Variants in DOP1A observed in about 807,000 individuals in gnomAD.
DOP1A encodes protein DOP1A.
In DOP1A, 90 loss-of-function variants were observed where a neutral mutation model predicts 267.6. The ratio of observed to expected loss-of-function variants is 0.34; its 90% CI spans 0.28 to 0.40. The LOEUF is 0.40. Among genes scored for constraint, DOP1A ranks in the 10% least tolerant of loss-of-function variants. The pLI is 1.00. For synonymous variants in DOP1A, 932 were observed against 999.1 expected (o/e 0.93, Z 1.27); for missense variants, 2,437 against 2,900.4 (o/e 0.84, Z 3.67).
chr6:83,123,880 C>A (rs1287652881), intron 12 of DOP1A, among the ~76,000 whole-genome samples: 2 of 152,052 alleles, frequency 1.3e-5, no homozygotes, highest in African/African-American at 2.4e-5. Flanking sequence ...ATGCACACAT[C>A]CACACTTCTT....
chr6:83,094,928 T>A (rs971565308), intron 1 of DOP1A, among the ~76,000 whole-genome samples: 3 of 152,148 alleles, frequency 2.0e-5, no homozygotes, highest in Non-Finnish European at 2.9e-5. Flanking sequence ...TTTTTAATTT[T>A]ATTTTATTTT....
chr6:83,104,063 G>A (rs1031458842), intron 4 of DOP1A, among the ~76,000 whole-genome samples: 3 of 152,104 alleles, frequency 2.0e-5, no homozygotes, highest in Non-Finnish European at 2.9e-5. Flanking sequence ...CTTTTATTAA[G>A]TAGTCCTTTT....
rs773028896 is a variant in DOP1A, at chr6:83,138,484, G to A, written c.4442G>A (p.Gly1481Asp). The A allele has an allele frequency of 7.4e-6, 12 of 1,613,032 alleles. No individual in the cohort carries two copies. The highest frequency in any genetic ancestry group is 1.0e-5 in the Non-Finnish European group (12 of 1,179,906). ...HVKVTAQDLI[G>D]NRNMQMMSIE... is the part of the protein sequence containing the mutation. ...AAGGTTACTGCACAAGATTTAATAGGCAATCGAAACATGCAAATGATGAGC... is the reference window on the plus strand; with the variant it reads ...AAGGTTACTGCACAAGATTTAATAGACAATCGAAACATGCAAATGATGAGC... Residue 1481 changes from glycine to aspartate, a missense_variant, in exon 21 of 39, where the codon GGC becomes GAC. Gly to Asp is a moderately conservative substitution (Grantham distance 94, BLOSUM62 -1). Coordinates refer to ENST00000349129, the MANE Select transcript of DOP1A (RefSeq NM_015018.4).
At position 83,158,084 on chromosome 6, in the gene DOP1A, T is replaced by C. The variant is rs540271297; in HGVS notation, c.6742-483T>C. On this transcript the variant is annotated intron_variant, in intron 35 of 38. Coordinates refer to ENST00000349129, the MANE Select transcript of DOP1A (RefSeq NM_015018.4). ...CGAGATCTCAGCTCACTGCAAGCTC[T>C]GCCTCCCGGGTTCAGGCCATTCTCC... is the stretch of plus-strand genomic sequence containing the variant. 1.3e-4 allele frequency among the ~76,000 whole-genome samples: 20 copies of C among 152,168 alleles called. No individual in the cohort carries two copies. The South Asian group carries it at 1.7e-3, about 13-fold the overall frequency.
Position 83,069,840 on chromosome 6 carries a change from A to G in DOP1A, c.-147+2061A>G, listed in dbSNP as rs982876586. On this transcript the variant is annotated intron_variant, in intron 1 of 38. Transcript: ENST00000349129. ...GTGAAGACTTGTTGATAATGGCATC[A>G]CTTTTGCTGTGATGATTTCTCCTTA... Among the ~76,000 whole-genome samples, 11 of 152,174 alleles carry G rather than the reference A, an allele frequency of 7.2e-5. 1 individual carries two copies. The highest frequency in any genetic ancestry group is 3.9e-4 in the Admixed American group (6 of 15,278).
At chr6:83,070,627 TTATACC>T in intron 1 of DOP1A, among the ~76,000 whole-genome samples, 1 of 152,330 alleles carries the variant, frequency 6.6e-6, no homozygotes, top group Non-Finnish European at 1.5e-5. Flanking sequence ...AGTGTCTAAA[TTATACC>T]TTTAAGACCT....
chr6:83,084,653 G>T (rs1429910200), intron 1 of DOP1A, among the ~76,000 whole-genome samples: 1 of 151,968 alleles, frequency 6.6e-6, no homozygotes, highest in African/African-American at 2.4e-5. Context: ...CACCATTTTG[G>T]CTCACTGCAG....
intron 34 of DOP1A, among the ~76,000 whole-genome samples, chr6:83,156,412 T>A (rs1782803081): frequency 6.6e-6 from 1 of 152,208 alleles, no homozygotes; most frequent in Non-Finnish European, 1.5e-5. Context: ...GTTCTCCTTG[T>A]GGACAAGAAT....
At chr6:83,168,757 G>A (rs1054185566), downstream of DOP1A, 6 of 1,000,424 alleles carry the variant, frequency 6.0e-6, no homozygotes, top group Admixed American at 2.7e-4. Flanking sequence ...AGTCATATAG[G>A]TAAGTCATCT....
intron 26 of DOP1A, among the ~76,000 whole-genome samples, chr6:83,148,092 T>C (rs1168464755): frequency 6.6e-6 from 1 of 152,020 alleles, no homozygotes; most frequent in Non-Finnish European, 1.5e-5. Context: ...ATGTGATAAA[T>C]GGGATTTCAA....
At chr6:83,109,973 A>G (rs1253103523) in intron 5 of DOP1A, 152 bp from the exon 6 acceptor site, 11 of 734,118 alleles carry the variant, frequency 1.5e-5, no homozygotes, top group Non-Finnish European at 2.2e-5. Context: ...ACTCTAAAGT[A>G]TATTCTTCTT....
intron 1 of DOP1A, among the ~76,000 whole-genome samples, chr6:83,082,833 A>G: frequency 6.8e-6 from 1 of 148,046 alleles, no homozygotes; most frequent in East Asian, 2.0e-4. Flanking sequence ...TTTGAGACCG[A>G]GTTTTGCTCT....
chr6:83,116,186 G>A (rs1365073648), intron 7 of DOP1A, among the ~76,000 whole-genome samples: 2 of 152,084 alleles, frequency 1.3e-5, no homozygotes, highest in African/African-American at 2.4e-5. Flanking sequence ...CCAAAACTTC[G>A]AAGCTGTAGA....
intron 27 of DOP1A, among the ~76,000 whole-genome samples, chr6:83,150,504 T>C (rs1175976892): frequency 6.6e-6 from 1 of 152,246 alleles, no homozygotes; most frequent in Non-Finnish European, 1.5e-5. Flanking sequence ...TCAGTTATAC[T>C]AGAAACTTTA....
chr6:83,162,988 A>G (rs1388698171), intron 38 of DOP1A, 69 bp downstream of exon 38: 4 of 1,491,742 alleles, frequency 2.7e-6, no homozygotes, highest in Admixed American at 2.1e-5. Context: ...TATTTATTAA[A>G]TACTTCCTGG....
intron 1 of DOP1A, among the ~76,000 whole-genome samples, chr6:83,072,691 C>T (rs1455030898): frequency 2.0e-5 from 3 of 151,994 alleles, no homozygotes; most frequent in African/African-American, 7.3e-5. Context: ...GGTAAATAGC[C>T]CTACATTTTT....
intron 24 of DOP1A, among the ~76,000 whole-genome samples, chr6:83,145,150 ACTTT>A: frequency 5.4e-5 from 1 of 18,522 alleles, no homozygotes; most frequent in Non-Finnish European, 1.2e-4. Context: ...TGCAAATTTT[ACTTT>A]TATATATATA....
At chr6:83,115,432 A>G (rs989595644) in intron 7 of DOP1A, among the ~76,000 whole-genome samples, 1 of 152,130 alleles carries the variant, frequency 6.6e-6, no homozygotes, top group African/African-American at 2.4e-5. Flanking sequence ...TAAGAATACA[A>G]TACATTGTGG....
intron 38 of DOP1A, chr6:83,164,902 T>C: frequency 3.5e-6 from 2 of 575,316 alleles, no homozygotes; most frequent in South Asian, 2.2e-5. Context: ...CTTTATTTAA[T>C]ATTGAGACAA....
Sources: allele counts gnomAD v4.1 joint callset (sites outside exome capture counted in the v4.1 genomes callset), GRCh38; gene constraint gnomAD v4.1.1; transcripts MANE v1.5; gene names NCBI Gene and HGNC (gene_info 2026-07-23, HGNC 2026-07-21).